ZNF765: variants seen among roughly 807,000 people sequenced by gnomAD.
The protein encoded by ZNF765 is zinc finger protein 765.
A neutral mutation model predicts 44.7 loss-of-function variants in ZNF765; 37 were observed. The ratio of observed to expected loss-of-function variants is 0.83; its 90% CI spans 0.64 to 1.09. The LOEUF (loss-of-function observed/expected upper bound fraction) is 1.09. ZNF765 is among the 50% of genes least tolerant of loss of function. ZNF765 has a pLI of 0.00. For synonymous variants in ZNF765, 201 were observed against 213.7 expected, an observed-to-expected ratio of 0.94 and a Z score of 0.52; for missense variants, 594 against 626.1, an observed-to-expected ratio of 0.95 and a Z score of 0.55.
chr19:53,412,359 C>T (rs181660247), downstream of ZNF765, among the ~76,000 whole-genome samples: 238 of 152,286 alleles, frequency 1.6e-3, 1 homozygote, highest in Non-Finnish European at 2.5e-3. Flanking sequence ...ATCCTTGCAT[C>T]CCAGAAATAA....
Position 53,409,849 on chromosome 19 carries a change from T to C in ZNF765, c.*722T>C. 1 of 673,428 alleles carries C rather than the reference T, an allele frequency of 1.5e-6. No individual in the cohort carries two copies. Among genetic ancestry groups the C allele is most frequent in the Non-Finnish European group, 2.8e-6 (1 of 353,388 alleles). 41.7% of individuals were successfully genotyped at this position (673,428 alleles called of 1,614,324 possible). ...ACCTTACGCACCATCGTAGACTTCA[T>C]ACTGGAGAGGTACCTTACAAGGATA... is the stretch of plus-strand genomic sequence containing the variant. On this transcript the variant is annotated 3_prime_UTR_variant, in exon 4 of 4. Transcript: ENST00000396408.
downstream of ZNF765, among the ~76,000 whole-genome samples, chr19:53,414,491 C>A (rs74880126): frequency 5.7e-3 from 88 of 15,516 alleles, 2 homozygotes; most frequent in Middle Eastern, 0.02. Context: ...ACACACACAC[C>A]CCCCCCCCCC....
At chr19:53,425,480 AT>A (rs1042103853) in exon 4 of ZNF765, 16 of 151,878 alleles carry the variant, frequency 1.1e-4, no homozygotes, top group Admixed American at 1.1e-3. Flanking sequence ...GGCTATTTTT[AT>A]TTTTGTATTT....
downstream of ZNF765, among the ~76,000 whole-genome samples, chr19:53,413,761 A>G (rs1281180807): frequency 2.0e-5 from 3 of 151,394 alleles, no homozygotes; most frequent in African/African-American, 4.9e-5. Flanking sequence ...GGACTTTACT[A>G]TATTGGAAAA....
intron 3 of ZNF765, among the ~76,000 whole-genome samples, chr19:53,422,313 C>G (rs1205428919): frequency 6.6e-6 from 1 of 152,184 alleles, no homozygotes; most frequent in East Asian, 1.9e-4. Context: ...CATTCTACCC[C>G]AAACATGGTG....
intron 2 of ZNF765, among the ~76,000 whole-genome samples, chr19:53,400,103 CATCT>C: frequency 1.3e-5 from 2 of 152,266 alleles, no homozygotes; most frequent in South Asian, 4.1e-4. Flanking sequence ...TGAGCCACCG[CATCT>C]GGCCCCCAGT....
At chr19:53,419,111 C>A (rs78015918) in intron 3 of ZNF765, among the ~76,000 whole-genome samples, 403 of 152,122 alleles carry the variant, frequency 2.6e-3, no homozygotes, top group African/African-American at 8.7e-3. Context: ...TAGTTTAATC[C>A]TTCAATAATA....
intron 3 of ZNF765, among the ~76,000 whole-genome samples, chr19:53,420,102 G>A (rs2085898545): frequency 6.6e-6 from 1 of 152,034 alleles, no homozygotes. Flanking sequence ...GGGAGACCGA[G>A]GCGGGCAGAT....
At position 53,408,358 on chromosome 19, in the gene ZNF765, A is replaced by G; in HGVS notation, c.803A>G (p.Glu268Gly). 6.2e-7 allele frequency: 1 copy of G among 1,614,226 alleles called. No individual in the cohort carries two copies. The highest frequency in any genetic ancestry group is 8.5e-7 in the Non-Finnish European group (1 of 1,180,036). The change falls in exon 4 of 4, where the codon GAG becomes GGG. Residue 268 changes from glutamate (E) to glycine (G), a missense_variant. Around this residue, in one of 2 missense-constraint regions of ZNF765, gnomAD observed 567 missense variants for 572.6 expected, o/e 0.99. Coordinates refer to ENST00000396408, the MANE Select transcript of ZNF765 (RefSeq NM_001040185.3). ...CGCCATCGTAGATGTCACACTGGTG[A>G]GAAACCTTACAAGTGTAATGAGTGT... is the stretch of plus-strand genomic sequence containing the variant. ...VARHRRCHTG[E>G]KPYKCNECGK...
In ZNF765 at chr19:53,408,264, C is replaced by A. The variant is rs1271326105; in HGVS notation, c.709C>A (p.His237Asn). Residue 237 changes from histidine to asparagine, a missense_variant, in exon 4 of 4, where the codon CAT becomes AAT. This residue lies in a region of ZNF765 where 567 missense variants were observed against 572.6 expected (regional missense o/e 0.99). Transcript: ENST00000396408. ...SSLLRKHQLIHLGEKQYKCDI... is the reference protein window; with the variant it reads ...SSLLRKHQLINLGEKQYKCDI... ...ACTCTTAAGGAAACATCAGTTAATC[C>A]ATTTAGGAGAGAAACAATATAAATG... The A allele has an allele frequency of 2.5e-6, 4 of 1,614,178 alleles. No individual in the cohort carries two copies. Among genetic ancestry groups the A allele is most frequent in the Non-Finnish European group, 3.4e-6 (4 of 1,180,032 alleles).
At chr19:53,422,499 T>C (rs1388977207) in intron 3 of ZNF765, among the ~76,000 whole-genome samples, 3 of 152,254 alleles carry the variant, frequency 2.0e-5, no homozygotes, top group Non-Finnish European at 2.9e-5. Context: ...ATATGGCGAA[T>C]TCTTCATACT....
intron 2 of ZNF765, among the ~76,000 whole-genome samples, chr19:53,401,066 T>C (rs1366557756): frequency 2.6e-5 from 4 of 151,788 alleles, no homozygotes; most frequent in Admixed American, 2.6e-4. Context: ...AGTGGTGCGA[T>C]TTCGGATCAT....
chr19:53,425,175 A>T (rs1467462939), exon 4 of ZNF765: 1 of 152,230 alleles, frequency 6.6e-6, no homozygotes, highest in African/African-American at 2.4e-5. Flanking sequence ...GAGCCTTGTT[A>T]GTGCTGTGCT....
At chr19:53,417,609 A>G (rs771903449) in intron 3 of ZNF765, among the ~76,000 whole-genome samples, 2 of 152,208 alleles carry the variant, frequency 1.3e-5, no homozygotes, top group African/African-American at 2.4e-5. Context: ...CGTCTTTACA[A>G]TAGAACAATT....
At chr19:53,413,976 C>T (rs1378183824), downstream of ZNF765, among the ~76,000 whole-genome samples, 2 of 139,944 alleles carry the variant, frequency 1.4e-5, no homozygotes, top group Admixed American at 7.3e-5. Flanking sequence ...CACGGTGGCT[C>T]ATGCCGCTAA....
rs546687320 is a variant in ZNF765, at chr19:53,419,862, A to G, written c.143-3200A>G. On this transcript the variant is annotated intron_variant, in intron 3 of 3. Coordinates refer to the ZNF765 transcript ENST00000594030. Reference sequence around the variant, plus strand: ...GCGAAACCCCATCTCCACTAAAACTACAAACGATTACCTGGGCATGGTGGC... The same window carrying G: ...GCGAAACCCCATCTCCACTAAAACTGCAAACGATTACCTGGGCATGGTGGC... Among the ~76,000 whole-genome samples, 21 of 151,866 alleles carry G rather than the reference A, an allele frequency of 1.4e-4. No homozygotes were observed. In the South Asian group the frequency reaches 3.8e-3, roughly 27 times the overall value.
At position 53,410,788 on chromosome 19, in the gene ZNF765, A is replaced by C. The variant is rs1417163186; in HGVS notation, c.*1661A>C. The C allele has an allele frequency of 8.8e-6, 4 of 453,176 alleles. No homozygotes were observed. Among genetic ancestry groups the C allele is most frequent in the Non-Finnish European group, 1.8e-5 (4 of 220,890 alleles). 28.1% of individuals were successfully genotyped at this position (453,176 alleles called of 1,614,324 possible). ...TCATGATTGTGACAAGGTCTCAGTC[A>C]AGCTTCATTCTATGCAAAACATAGG... On this transcript the variant is annotated 3_prime_UTR_variant, in exon 4 of 4. Coordinates refer to ENST00000396408, the MANE Select transcript of ZNF765 (RefSeq NM_001040185.3).
chr19:53,422,043 G>A (rs1382431576), intron 3 of ZNF765, among the ~76,000 whole-genome samples: 1 of 152,074 alleles, frequency 6.6e-6, no homozygotes, highest in East Asian at 1.9e-4. Flanking sequence ...ACTCCAATCA[G>A]TGTATCTACA....
chr19:53,412,500 A>C (rs1270147484), downstream of ZNF765, among the ~76,000 whole-genome samples: 1 of 152,206 alleles, frequency 6.6e-6, no homozygotes, highest in East Asian at 1.9e-4. Flanking sequence ...CAGTTTTTGC[A>C]CCAAATTAAA....
Sources: gnomAD v4.1 joint callset for allele counts (sites outside exome capture counted in the v4.1 genomes callset) on GRCh38, gnomAD v4.1.1 for gene constraint, gnomAD v4.1.1 regional missense constraint, MANE v1.5 for transcripts, NCBI Gene and HGNC (gene_info 2026-07-23, HGNC 2026-07-21) for gene names.